TRDN: variants seen among roughly 807,000 people sequenced by gnomAD.
TRDN encodes the protein triadin.
In TRDN, 161 loss-of-function variants were observed where a neutral mutation model predicts 149.7. The ratio of observed to expected loss-of-function variants is 1.08; its 90% CI spans 0.95 to 1.23. The LOEUF is 1.23. Among genes scored for constraint, TRDN ranks in the 50% most tolerant of loss-of-function variants. The pLI is 0.00. For synonymous variants in TRDN, 294 were observed against 250.5 expected (o/e 1.17, Z -1.64); for missense variants, 896 against 823.5 (o/e 1.09, Z -1.08).
intron 21 of TRDN, among the ~76,000 whole-genome samples, chr6:123,346,777 T>C (rs1056508416): frequency 6.6e-5 from 10 of 151,902 alleles, no homozygotes; most frequent in Non-Finnish European, 1.2e-4. Flanking sequence ...ATAAGGAAGA[T>C]TGTGTGGAGT....
chr6:123,548,572 C>A lies in TRDN; in HGVS notation c.273G>T (p.Leu91=). 6.4e-7 allele frequency: 1 copy of A among 1,551,462 alleles called. No individual in the cohort carries two copies. Among genetic ancestry groups the A allele is most frequent in the Non-Finnish European group, 8.7e-7 (1 of 1,147,344 alleles). ...TGGTTTCCTCCATAGCATCACGTAC[C>A]AGTTTTAAAGGATCTGAGCCAATCT... ...IAKIGSDPLK[L]VRDAMEETTD... is the part of the protein sequence containing the mutation. The change falls in exon 3 of 41, where the codon CTG becomes CTT. Residue 91 remains leucine (L), a synonymous_variant. Coordinates refer to ENST00000334268, the MANE Select transcript of TRDN (RefSeq NM_006073.4).
At chr6:123,322,918 C>T (rs1779302044) in intron 23 of TRDN, among the ~76,000 whole-genome samples, 1 of 152,044 alleles carries the variant, frequency 6.6e-6, no homozygotes, top group South Asian at 2.1e-4. Flanking sequence ...GGATTATAGG[C>T]ATAAGCCACC....
At chr6:123,453,892 T>G (rs986836801) in intron 10 of TRDN, among the ~76,000 whole-genome samples, 2 of 148,176 alleles carry the variant, frequency 1.3e-5, no homozygotes, top group Non-Finnish European at 3.0e-5. Flanking sequence ...GAAACTGTGG[T>G]GTGTGTGTGT....
At chr6:123,249,810 A>G (rs1415152918) in intron 38 of TRDN, among the ~76,000 whole-genome samples, 1 of 152,162 alleles carries the variant, frequency 6.6e-6, no homozygotes, top group Admixed American at 6.6e-5. Context: ...TAGCCGGAAC[A>G]ATCAAAACAA....
At chr6:123,613,560 G>A (rs1784915386) in intron 1 of TRDN, among the ~76,000 whole-genome samples, 1 of 152,086 alleles carries the variant, frequency 6.6e-6, no homozygotes, top group African/African-American at 2.4e-5. Flanking sequence ...ACAGCTTGCA[G>A]TGCCTTGTAG....
chr6:123,609,179 A>G (rs893263885), intron 1 of TRDN, among the ~76,000 whole-genome samples: 4 of 152,230 alleles, frequency 2.6e-5, no homozygotes, highest in Middle Eastern at 6.8e-3. Flanking sequence ...TCTCAAAAAA[A>G]CAAAAACAAA....
chr6:123,569,222 TCA>T (rs1365503101), intron 2 of TRDN, among the ~76,000 whole-genome samples: 1 of 152,214 alleles, frequency 6.6e-6, no homozygotes, highest in Non-Finnish European at 1.5e-5. Flanking sequence ...ATAACATGCA[TCA>T]CCTTTGATCC....
At chr6:123,444,672 CT>C (rs1369477041) in intron 10 of TRDN, among the ~76,000 whole-genome samples, 1 of 151,712 alleles carries the variant, frequency 6.6e-6, no homozygotes, top group Non-Finnish European at 1.5e-5. Context: ...ATAGATAGCT[CT>C]TATTATTTTG....
At chr6:123,413,427 C>T (rs1380728750) in intron 12 of TRDN, among the ~76,000 whole-genome samples, 1 of 152,158 alleles carries the variant, frequency 6.6e-6, no homozygotes, top group African/African-American at 2.4e-5. Context: ...TGGTGAAATA[C>T]CAGAAAGTAC....
intron 21 of TRDN, chr6:123,350,855 A>C (rs1780436529): frequency 1.0e-6 from 1 of 983,920 alleles, no homozygotes; most frequent in Non-Finnish European, 1.2e-6. Flanking sequence ...AAGATAAAAG[A>C]AGATTTTAGT....
intron 10 of TRDN, chr6:123,464,546 C>T: frequency 2.0e-6 from 2 of 1,010,336 alleles, no homozygotes; most frequent in Non-Finnish European, 1.2e-6. Context: ...GATTCAAACC[C>T]AGCAAATCTG....
At chr6:123,235,002 A>C (rs1429225783) in intron 38 of TRDN, among the ~76,000 whole-genome samples, 1 of 152,112 alleles carries the variant, frequency 6.6e-6, no homozygotes, top group Admixed American at 6.6e-5. Flanking sequence ...AGCAGTAGAG[A>C]TCTTAAATTT....
intron 1 of TRDN, among the ~76,000 whole-genome samples, chr6:123,574,184 TTTAA>T (rs1782713768): frequency 6.6e-6 from 1 of 151,912 alleles, no homozygotes; most frequent in Non-Finnish European, 1.5e-5. Context: ...AGCAAAATAA[TTTAA>T]TTAAGATGTT....
chr6:123,464,703 C>A (rs936682514), intron 10 of TRDN: 2 of 1,353,104 alleles, frequency 1.5e-6, no homozygotes, highest in African/African-American at 2.9e-5. Context: ...TGAGGGTCAC[C>A]AATATAGAAT....
At chr6:123,594,442 A>C (rs959805298) in intron 1 of TRDN, among the ~76,000 whole-genome samples, 3 of 152,030 alleles carry the variant, frequency 2.0e-5, no homozygotes, top group African/African-American at 7.2e-5. Flanking sequence ...AAGCTCTACT[A>C]TAGGTTGTAG....
At chr6:123,366,956 T>A (rs1781125604) in intron 19 of TRDN, among the ~76,000 whole-genome samples, 1 of 152,218 alleles carries the variant, frequency 6.6e-6, no homozygotes, top group Non-Finnish European at 1.5e-5. Context: ...TTGACCTCAA[T>A]GAATTAGTTT....
chr6:123,525,884 G>C (rs1399970595), intron 5 of TRDN, among the ~76,000 whole-genome samples: 1 of 151,954 alleles, frequency 6.6e-6, no homozygotes, highest in Non-Finnish European at 1.5e-5. Context: ...CAGTGGAATA[G>C]GCCAAATAAT....
At chr6:123,375,754 AAAAT>A (rs1781477830) in intron 18 of TRDN, 123 bp from the exon 19 acceptor site, 1 of 759,076 alleles carries the variant, frequency 1.3e-6, no homozygotes, top group African/African-American at 1.9e-5. Flanking sequence ...AAGCTAAAGA[AAAAT>A]AAGATCTGAG....
At chr6:123,479,439 A>G (rs369083004) in intron 9 of TRDN, among the ~76,000 whole-genome samples, 3 of 152,238 alleles carry the variant, frequency 2.0e-5, no homozygotes, top group South Asian at 2.1e-4. Flanking sequence ...CTGAATATCT[A>G]TAATTCCCCA....
Sources: allele counts gnomAD v4.1 joint callset (sites outside exome capture counted in the v4.1 genomes callset), GRCh38; gene constraint gnomAD v4.1.1; transcripts MANE v1.5; gene names NCBI Gene and HGNC (gene_info 2026-07-23, HGNC 2026-07-21).